Variants in REEP1 observed in about 807,000 individuals in gnomAD.
The protein encoded by REEP1 is receptor expression-enhancing protein 1.
REEP1 carries 22 observed loss-of-function variants against 40.3 expected under a neutral mutation model. The ratio of observed to expected loss-of-function variants is 0.55; its 90% CI spans 0.39 to 0.78. The LOEUF (loss-of-function observed/expected upper bound fraction) is 0.78, where lower values mean the gene tolerates loss of function less well. REEP1 is among the 30% of genes least tolerant of loss of function. REEP1 has a pLI of 0.00. For synonymous variants in REEP1, 116 were observed against 139.2 expected (o/e 0.83, Z 1.17); for missense variants, 280 against 361.1 (o/e 0.78, Z 1.82).
At chr2:86,244,474 C>T (rs774976991) in intron 5 of REEP1, among the ~76,000 whole-genome samples, 19 of 152,164 alleles carry the variant, frequency 1.2e-4, no homozygotes, top group Non-Finnish European at 1.9e-4. Context: ...GCTTGGCTAT[C>T]GCCTGTTGGC....
intron 3 of REEP1, among the ~76,000 whole-genome samples, chr2:86,258,353 A>G (rs1286196503): frequency 6.6e-6 from 1 of 152,236 alleles, no homozygotes; most frequent in Non-Finnish European, 1.5e-5. Flanking sequence ...TTAATTGTCT[A>G]TGGTTCCTTT....
At chr2:86,326,305 T>C (rs1218315202) in intron 1 of REEP1, among the ~76,000 whole-genome samples, 1 of 152,246 alleles carries the variant, frequency 6.6e-6, no homozygotes, top group Non-Finnish European at 1.5e-5. Flanking sequence ...GACCAAGCTA[T>C]GAATCAATCA....
chr2:86,329,347 G>A (rs1465388989), intron 1 of REEP1, among the ~76,000 whole-genome samples: 2 of 152,126 alleles, frequency 1.3e-5, no homozygotes, highest in Non-Finnish European at 2.9e-5. Context: ...CTTGAGGGTG[G>A]GGCCTTTGCC....
chr2:86,249,212 A>T (rs1237970818), intron 5 of REEP1, among the ~76,000 whole-genome samples: 2 of 151,840 alleles, frequency 1.3e-5, no homozygotes, highest in Admixed American at 6.6e-5. Context: ...GTGAGCTGAG[A>T]TTGTACCACT....
At chr2:86,328,751 C>A (rs1286037628) in intron 1 of REEP1, among the ~76,000 whole-genome samples, 1 of 152,172 alleles carries the variant, frequency 6.6e-6, no homozygotes, top group Admixed American at 6.5e-5. Context: ...AGGGGTGTGG[C>A]TTGCTTACTC....
intron 7 of REEP1, among the ~76,000 whole-genome samples, chr2:86,224,248 G>A (rs1674576815): frequency 6.6e-6 from 1 of 152,224 alleles, no homozygotes; most frequent in Non-Finnish European, 1.5e-5. Flanking sequence ...AATCTTCCCA[G>A]GCTTTGGCCT....
intron 2 of REEP1, among the ~76,000 whole-genome samples, chr2:86,277,355 A>T (rs1677816586): frequency 6.6e-6 from 1 of 152,106 alleles, no homozygotes; most frequent in South Asian, 2.1e-4. Flanking sequence ...CAGGAGTTCA[A>T]GACCAGCCTG....
intron 7 of REEP1, among the ~76,000 whole-genome samples, chr2:86,224,727 G>A (rs907770546): frequency 9.2e-5 from 14 of 152,120 alleles, no homozygotes; most frequent in African/African-American, 3.1e-4. Flanking sequence ...ACCAGAACTT[G>A]GACACTGAAT....
At chr2:86,329,756 C>T (rs1036772120) in intron 1 of REEP1, among the ~76,000 whole-genome samples, 1 of 152,128 alleles carries the variant, frequency 6.6e-6, no homozygotes, top group Non-Finnish European at 1.5e-5. Flanking sequence ...AGACCACACT[C>T]TGAGGAGTGA....
chr2:86,288,153 G>A lies in REEP1; in HGVS notation c.33-5911C>T, dbSNP rs534598879. On this transcript the variant is annotated intron_variant, in intron 1 of 8. Coordinates refer to ENST00000538924, the MANE Select transcript of REEP1 (RefSeq NM_001371279.1). ...TTCTCCTTCCTCAACCTCCTGAGTA[G>A]CTGGGATTACAGGCGTGAGCCACCA... Among the ~76,000 whole-genome samples, 3 of 152,158 alleles carry A rather than the reference G, an allele frequency of 2.0e-5. No individual in the cohort carries two copies. The South Asian group carries it at 6.2e-4, about 32-fold the overall frequency.
intron 2 of REEP1, among the ~76,000 whole-genome samples, chr2:86,278,506 T>C (rs917726878): frequency 9.9e-5 from 15 of 152,224 alleles, no homozygotes; most frequent in Admixed American, 9.2e-4. Context: ...AAGCTTGTTT[T>C]TAAGCCGAAA....
chr2:86,293,234 T>C (rs1369685751), intron 1 of REEP1, among the ~76,000 whole-genome samples: 1 of 152,228 alleles, frequency 6.6e-6, no homozygotes, highest in Non-Finnish European at 1.5e-5. Context: ...AACTCTGCTC[T>C]TCTAATCCAA....
At chr2:86,269,580 C>A (rs1040965555) in intron 2 of REEP1, among the ~76,000 whole-genome samples, 1 of 152,166 alleles carries the variant, frequency 6.6e-6, no homozygotes, top group Admixed American at 6.5e-5. Flanking sequence ...AGGCTACCAG[C>A]AAACCATCTA....
intron 2 of REEP1, chr2:86,280,174 AGT>A (rs1301000231): frequency 2.6e-6 from 1 of 391,748 alleles, no homozygotes; most frequent in East Asian, 7.2e-5. Flanking sequence ...GAAACACAGG[AGT>A]GTGAGTGCAG....
intron 5 of REEP1, among the ~76,000 whole-genome samples, chr2:86,233,934 A>G (rs927686380): frequency 5.3e-5 from 8 of 152,144 alleles, no homozygotes; most frequent in African/African-American, 1.9e-4. Flanking sequence ...CAGACATAAC[A>G]GAACCAACAA....
intron 7 of REEP1, among the ~76,000 whole-genome samples, chr2:86,225,498 C>T (rs1395974696): frequency 6.6e-6 from 1 of 152,158 alleles, no homozygotes; most frequent in Admixed American, 6.5e-5. Context: ...CTCGAACTCC[C>T]GACCTCAAGT....
rs1299952460 is a variant in REEP1 at position 86,282,199 on chromosome 2, C to T, written c.76G>A (p.Ala26Thr). The T allele has an allele frequency of 8.1e-6, 13 of 1,611,240 alleles. No individual in the cohort carries two copies. The highest frequency in any genetic ancestry group is 1.1e-5 in the Non-Finnish European group (13 of 1,177,502). The change falls in exon 2 of 9, where the codon GCT becomes ACT. Residue 26 changes from alanine (A) to threonine (T), a missense_variant. By Grantham distance (58) the Ala-to-Thr change is moderately conservative (BLOSUM62 0). Transcript: ENST00000538924. ...TCCTTAATGTCCTTTGATTTCACAGCCTTGTAGGAATAATACGCAGGGTAA... is the reference window on the plus strand; with the variant it reads ...TCCTTAATGTCCTTTGATTTCACAGTCTTGTAGGAATAATACGCAGGGTAA... ...TLYPAYYSYK[A>T]VKSKDIKEYV...
Position 86,337,290 on chromosome 2 carries a change from C to T in REEP1, c.32+189G>A, listed in dbSNP as rs1180299468. On this transcript the variant is annotated intron_variant, in intron 1 of 8. Transcript: ENST00000538924. This position sits in a 1 kb window ranked among gnomAD's most constrained non-coding sequence, Gnocchi z 5.8. ...CCGCCGGCGCCGGCTGCCTCCTGGG[C>T]AGCAGCCGCGTCCTGCGCCGCCCGT... 2 of 315,760 alleles carry T rather than the reference C, an allele frequency of 6.3e-6. No individual in the cohort carries two copies. Among genetic ancestry groups the T allele is most frequent in the Non-Finnish European group, 1.1e-5 (2 of 181,798 alleles). The allele number at this position is 315,760 out of a possible 1,614,324, so 19.6% of individuals were successfully genotyped here.
At position 86,268,010 on chromosome 2, in the gene REEP1, A is replaced by G. The variant is rs530444377; in HGVS notation, c.106-3969T>C. 1.6e-4 allele frequency among the ~76,000 whole-genome samples: 25 copies of G among 152,272 alleles called. 1 individual carries two copies. In the South Asian group the frequency reaches 5.2e-3, roughly 32 times the overall value. On this transcript the variant is annotated intron_variant, in intron 2 of 8. Transcript: ENST00000538924. ...GAAGGGAAGCTCCTCAACTTGATAA[A>G]GAACATATTTTTTTTAAAACCCTAC...
Sources: gnomAD v4.1 joint callset for allele counts (sites outside exome capture counted in the v4.1 genomes callset) on GRCh38, gnomAD v4.1.1 for gene constraint, Gnocchi (gnomAD v3.1) non-coding constraint, MANE v1.5 for transcripts, NCBI Gene and HGNC (gene_info 2026-07-23, HGNC 2026-07-21) for gene names.